PLXNA4: variants seen among roughly 807,000 people sequenced by gnomAD.
PLXNA4 encodes plexin-A4.
A neutral mutation model predicts 191.8 loss-of-function variants in PLXNA4; 44 were observed. The ratio of observed to expected loss-of-function variants is 0.23; its 90% CI spans 0.18 to 0.29. The LOEUF is 0.29. Among genes scored for constraint, PLXNA4 ranks in the 10% least tolerant of loss-of-function variants. The pLI, the probability that PLXNA4 is intolerant of heterozygous loss-of-function variation, is 1.00. For missense variants in PLXNA4, 1,800 were observed against 2,488.8 expected, an observed-to-expected ratio of 0.72 and a Z score of 5.89; for synonymous variants, 1,082 against 1,009.5, an observed-to-expected ratio of 1.07 and a Z score of -1.36.
rs531956446 is a variant in PLXNA4 at position 132,152,319 on chromosome 7, G to A, written c.4661-3673C>T. Among the ~76,000 whole-genome samples, 48 of 152,296 alleles carry A rather than the reference G, an allele frequency of 3.2e-4. 1 individual carries two copies. The highest frequency in any genetic ancestry group is 3.4e-3 in the Middle Eastern group (1 of 294). On this transcript the variant is annotated intron_variant, in intron 25 of 31. Coordinates refer to ENST00000321063, the MANE Select transcript of PLXNA4 (RefSeq NM_020911.2). The stretch of plus-strand genomic sequence containing the variant: ...ATCCCAAGGTCAGGTTGAGTCAGCT[G>A]AGGATGAGACAGCCCTGCCACCTTA...
Position 132,202,703 on chromosome 7 carries a change from G to A in PLXNA4, c.2529C>T (p.Ser843=), listed in dbSNP as rs540741737. The A allele has an allele frequency of 1.7e-4, 270 of 1,587,554 alleles. No individual in the cohort carries two copies. The highest frequency in any genetic ancestry group is 2.2e-4 in the Non-Finnish European group (254 of 1,166,538). Residue 843 remains serine (S), a synonymous_variant, in exon 12 of 32, where the codon AGC becomes AGT. Transcript: ENST00000321063. The part of the protein sequence containing the change: ...TLRQHCPAQE[S]QWLELSGAKS... ...TGGCACCAGACAGCTCCAGCCACTGGCTCTCCTGGGCAGGGCAGTGCTGGC... is the reference window on the plus strand; with the variant it reads ...TGGCACCAGACAGCTCCAGCCACTGACTCTCCTGGGCAGGGCAGTGCTGGC...
intron 9 of PLXNA4, among the ~76,000 whole-genome samples, chr7:132,214,101 G>A (rs1032353921): frequency 6.6e-6 from 1 of 152,320 alleles, no homozygotes. Context: ...CATGAAACAG[G>A]AGAGTTCCCA....
chr7:132,179,686 C>T lies in PLXNA4; in HGVS notation c.3874+1G>A. 1 of 1,611,474 alleles carries T rather than the reference C, an allele frequency of 6.2e-7. No homozygotes were observed. Among genetic ancestry groups the T allele is most frequent in the Non-Finnish European group, 8.5e-7 (1 of 1,177,714 alleles). ...GCCTCCAGCATGGGGCCACTCAGTA[C>T]CTTCCTTGCACTCCAGGGCCACACG... On this transcript the variant is annotated splice_donor_variant, in intron 20 of 31. Transcript: ENST00000321063. LOFTEE classifies it high-confidence loss of function.
chr7:132,170,302 G>A (rs1472924438), intron 21 of PLXNA4, among the ~76,000 whole-genome samples: 1 of 152,198 alleles, frequency 6.6e-6, no homozygotes, highest in Non-Finnish European at 1.5e-5. Flanking sequence ...GGGACCCTGT[G>A]AGGATAAGGA....
intron 3 of PLXNA4, among the ~76,000 whole-genome samples, chr7:132,306,861 G>A (rs1303466091): frequency 6.6e-6 from 1 of 152,164 alleles, no homozygotes; most frequent in Non-Finnish European, 1.5e-5. Flanking sequence ...CAGAAAGGGA[G>A]AGAGGACAGG....
rs546974937 is a variant in PLXNA4 at position 132,318,539 on chromosome 7, C to A, written c.1372-20317G>T. On this transcript the variant is annotated intron_variant, in intron 3 of 31. Transcript: ENST00000321063. ...CAGCTGCAGGACTCTCCCTCCCCAC[C>A]CCCTGCAGAATGAGCGTTTCCACAA... 2.6e-5 allele frequency among the ~76,000 whole-genome samples: 4 copies of A among 152,176 alleles called. No individual in the cohort carries two copies. The East Asian group carries it at 7.7e-4, about 29-fold the overall frequency.
intron 9 of PLXNA4, among the ~76,000 whole-genome samples, chr7:132,213,792 G>T (rs1240417258): frequency 6.6e-6 from 1 of 152,090 alleles, no homozygotes; most frequent in African/African-American, 2.4e-5. Flanking sequence ...CAAGGAGCCT[G>T]ACTGTCTCTC....
chr7:132,387,948 C>A (rs567563473), intron 3 of PLXNA4, among the ~76,000 whole-genome samples: 1 of 152,008 alleles, frequency 6.6e-6, no homozygotes, highest in African/African-American at 2.4e-5. Context: ...GGAAGCTCCC[C>A]GGGGTCTCTT....
chr7:132,581,316 T>A (rs1802398692), upstream of PLXNA4, among the ~76,000 whole-genome samples: 1 of 152,158 alleles, frequency 6.6e-6, no homozygotes, highest in Non-Finnish European at 1.5e-5. Flanking sequence ...GGTGGCTGGG[T>A]ATTCTCAGTA....
At chr7:132,248,596 T>C (rs993140754) in intron 4 of PLXNA4, among the ~76,000 whole-genome samples, 1 of 152,196 alleles carries the variant, frequency 6.6e-6, no homozygotes, top group Non-Finnish European at 1.5e-5. Context: ...CGTATGTAAC[T>C]TGTACAAGTT....
Position 132,150,868 on chromosome 7 carries a change from G to A in PLXNA4, c.4661-2222C>T, listed in dbSNP as rs147447257. Among the ~76,000 whole-genome samples, 380 of 152,334 alleles carry A rather than the reference G, an allele frequency of 2.5e-3. 4 individuals are homozygous for A. Among genetic ancestry groups the A allele is most frequent in the African/African-American group, 8.9e-3 (369 of 41,584 alleles). On this transcript the variant is annotated intron_variant, in intron 25 of 31. Transcript: ENST00000321063. ...ATGATGCACAATTCCCCTTAGAGCT[G>A]TGCAGTGCACAGCCTGGGCGGCCAT...
rs1234113714 is a variant in PLXNA4 at position 132,421,668 on chromosome 7, T to C, written c.1371+67624A>G. Among the ~76,000 whole-genome samples the C allele has an allele frequency of 4.6e-5, 7 of 151,974 alleles. No individual in the cohort carries two copies. The East Asian group carries it at 1.2e-3, about 25-fold the overall frequency. On this transcript the variant is annotated intron_variant, in intron 3 of 31. Coordinates refer to ENST00000321063, the MANE Select transcript of PLXNA4 (RefSeq NM_020911.2). ...TGTGAAGAAGAAATAAGATGAAAGA[T>C]ACAAAATATCAAACACAAAACTTAC... is the stretch of plus-strand genomic sequence containing the variant.
chr7:132,429,580 A>G (rs1322238126), intron 3 of PLXNA4, among the ~76,000 whole-genome samples: 1 of 152,218 alleles, frequency 6.6e-6, no homozygotes, highest in Non-Finnish European at 1.5e-5. Context: ...ATGCCATGAT[A>G]TATTGTTCTT....
At chr7:132,292,829 G>A (rs1800941957) in intron 4 of PLXNA4, among the ~76,000 whole-genome samples, 1 of 152,158 alleles carries the variant, frequency 6.6e-6, no homozygotes, top group East Asian at 1.9e-4. Context: ...CCAGGGTGAG[G>A]GATATTTATG....
At chr7:132,328,000 T>G (rs1398626819) in intron 3 of PLXNA4, among the ~76,000 whole-genome samples, 1 of 151,916 alleles carries the variant, frequency 6.6e-6, no homozygotes, top group East Asian at 1.9e-4. Flanking sequence ...AGCGGCAGGG[T>G]GCAAAGAGAA....
At chr7:132,467,616 T>G (rs1025255611) in intron 3 of PLXNA4, among the ~76,000 whole-genome samples, 1 of 152,134 alleles carries the variant, frequency 6.6e-6, no homozygotes. Flanking sequence ...GGTGGGAAAT[T>G]AACACACAGA....
rs148043127 is a variant in PLXNA4, at chr7:132,160,033, C to T, written c.4501-401G>A. On this transcript the variant is annotated intron_variant, in intron 24 of 31. Transcript: ENST00000321063. ...ATGCATACAGGAGGCAGTGTCTCAGCGGCACACCCAGACCCTCGCCCACTT... is the reference window on the plus strand; with the variant it reads ...ATGCATACAGGAGGCAGTGTCTCAGTGGCACACCCAGACCCTCGCCCACTT... Among the ~76,000 whole-genome samples, 770 of 152,266 alleles carry T rather than the reference C, an allele frequency of 5.1e-3. 1 individual carries two copies. The highest frequency in any genetic ancestry group is 5.5e-3 in the Non-Finnish European group (377 of 68,006).
intron 14 of PLXNA4, 101 bp downstream of exon 14, chr7:132,193,961 C>T (rs1012671707): frequency 6.8e-7 from 1 of 1,470,350 alleles, no homozygotes; most frequent in Non-Finnish European, 9.2e-7. Flanking sequence ...AGGGCAGGCC[C>T]TTGCCCTGGG....
intron 30 of PLXNA4, among the ~76,000 whole-genome samples, chr7:132,139,974 G>GAGTC (rs1421256087): frequency 6.6e-6 from 1 of 152,176 alleles, no homozygotes; most frequent in African/African-American, 2.4e-5. Flanking sequence ...TCTTTACCAT[G>GAGTC]AGTCGCACTG....
Sources: allele counts gnomAD v4.1 joint callset (sites outside exome capture counted in the v4.1 genomes callset), GRCh38; gene constraint gnomAD v4.1.1; transcripts MANE v1.5; gene names NCBI Gene and HGNC (gene_info 2026-07-23, HGNC 2026-07-21).